Variants in HABP2 observed in about 807,000 individuals in gnomAD.
The protein encoded by HABP2 is hyaluronan binding protein 2.
A neutral mutation model predicts 66.5 loss-of-function variants in HABP2; 65 were observed. That is an observed-to-expected ratio of 0.98 (90% CI 0.80 to 1.20). HABP2 has a LOEUF of 1.20. HABP2 is among the 50% of genes most tolerant of loss of function. HABP2 has a pLI of 0.00. For synonymous variants in HABP2, 263 were observed against 253.9 expected (o/e 1.04, Z -0.34); for missense variants, 786 against 691.0 (o/e 1.14, Z -1.54).
intron 1 of HABP2, among the ~76,000 whole-genome samples, chr10:113,561,008 A>G (rs574959008): frequency 3.3e-5 from 5 of 152,254 alleles, no homozygotes; most frequent in Non-Finnish European, 5.9e-5. Flanking sequence ...CAAATGGTCA[A>G]AACGATAAAT....
chr10:113,570,090 T>G (rs1845277905), intron 2 of HABP2: 1 of 152,230 alleles, frequency 6.6e-6, no homozygotes. Flanking sequence ...ACCCAAGGAC[T>G]TTCATGAAAC....
Position 113,584,429 on chromosome 10 carries a change from C to A in HABP2, c.1372+147C>A, listed in dbSNP as rs553809874. ...GAAAGCATCCACCTCATTGATCAAG[C>A]TCTGGTTAAATTCCTCCACCTGCAG... On this transcript the variant is annotated intron_variant, in intron 11 of 12. Coordinates refer to ENST00000351270, the MANE Select transcript of HABP2 (RefSeq NM_004132.5). The A allele has an allele frequency of 1.6e-5, 11 of 700,234 alleles. No individual in the cohort carries two copies. The African/African-American group carries it at 1.9e-4, about 12-fold the overall frequency. The allele number at this position is 700,234 out of a possible 1,614,324, so 43.4% of individuals were successfully genotyped here.
At chr10:113,577,810 C>T (rs952891605) in intron 5 of HABP2, among the ~76,000 whole-genome samples, 13 of 152,200 alleles carry the variant, frequency 8.5e-5, no homozygotes, top group Admixed American at 6.5e-4. Flanking sequence ...TTAGGCATGG[C>T]CTCCAGCCAG....
rs371790293 is a variant in HABP2, at chr10:113,584,214, G to A, written c.1304G>A (p.Cys435Tyr). ...ALESKYVKTVCLPDGSFPSGS... is the reference protein window; with the variant it reads ...ALESKYVKTVYLPDGSFPSGS... ...GAATCCAAATACGTGAAGACTGTGTGCTTGCCTGATGGGTCCTTTCCCTCT... is the reference window on the plus strand; with the variant it reads ...GAATCCAAATACGTGAAGACTGTGTACTTGCCTGATGGGTCCTTTCCCTCT... The change falls in exon 11 of 13, where the codon TGC (cysteine) becomes TAC (tyrosine). Residue 435 changes from cysteine to tyrosine, a missense_variant. Cys to Tyr is a radical substitution (Grantham distance 194). Coordinates refer to ENST00000351270, the MANE Select transcript of HABP2 (RefSeq NM_004132.5). 4 of 1,613,580 alleles carry A rather than the reference G, an allele frequency of 2.5e-6. No individual in the cohort carries two copies. In the South Asian group the frequency reaches 3.3e-5, roughly 13 times the overall value.
intron 2 of HABP2, among the ~76,000 whole-genome samples, chr10:113,571,112 T>C (rs1441497515): frequency 6.6e-6 from 1 of 152,232 alleles, no homozygotes; most frequent in East Asian, 1.9e-4. Flanking sequence ...CCAAACTTAG[T>C]AGCTTAAACC....
Position 113,585,868 on chromosome 10 carries a change from A to G in HABP2, c.1448A>G (p.Tyr483Cys). Residue 483 changes from tyrosine to cysteine, a missense_variant, in exon 12 of 13, where the codon TAT becomes TGT. Tyr to Cys is a radical substitution (Grantham distance 194). Coordinates refer to ENST00000351270, the MANE Select transcript of HABP2 (RefSeq NM_004132.5). ...ANTLCNSRQL[Y>C]DHMIDDSMIC... ...ACTTTGTGCAACTCCCGCCAACTCT[A>G]TGACCACATGATTGATGACAGTATG... 6.2e-7 allele frequency: 1 copy of G among 1,613,678 alleles called. No individual in the cohort carries two copies.
In HABP2 at chr10:113,585,910, T is replaced by C; in HGVS notation, c.1490T>C (p.Leu497Pro). The C allele has an allele frequency of 6.2e-7, 1 of 1,614,092 alleles. No individual in the cohort carries two copies. Among genetic ancestry groups the C allele is most frequent in the Non-Finnish European group, 8.5e-7 (1 of 1,179,922 alleles). ...GACAGTATGATCTGTGCAGGAAATC[T>C]TCAGAAACCTGGGCAAGACACCTGC... ...IDDSMICAGN[L>P]QKPGQDTCQG... is the part of the protein sequence containing the mutation. The change falls in exon 12 of 13, where the codon CTT becomes CCT. Residue 497 changes from leucine (L) to proline (P), a missense_variant. Leu to Pro is a moderately conservative substitution (Grantham distance 98). Transcript: ENST00000351270.
In HABP2 at chr10:113,582,066, G is replaced by A. The variant is rs747653040; in HGVS notation, c.1029G>A (p.Gln343=). 35 of 1,613,026 alleles carry A rather than the reference G, an allele frequency of 2.2e-5. No individual in the cohort carries two copies. Among genetic ancestry groups the A allele is most frequent in the Non-Finnish European group, 8.5e-7 (1 of 1,179,888 alleles). The change falls in exon 9 of 13, where the codon CAG becomes CAA. Residue 343 remains glutamine, a synonymous_variant. Coordinates refer to ENST00000351270, the MANE Select transcript of HABP2 (RefSeq NM_004132.5). ...TGCCTCTGACCATCTCCATGCCCCA[G>A]GGCCACTTCTGTGGTGGGGCGCTGA... ...SSLPLTISMP[Q]GHFCGGALIH...
At chr10:113,576,124 C>A in intron 4 of HABP2, 120 bp downstream of exon 4, 1 of 671,960 alleles carries the variant, frequency 1.5e-6, no homozygotes, top group Non-Finnish European at 2.7e-6. Flanking sequence ...CTGTATCATG[C>A]ATAGTGTATT....
intron 10 of HABP2, 115 bp downstream of exon 10, chr10:113,583,473 G>T (rs747362897): frequency 1.1e-4 from 94 of 869,280 alleles, no homozygotes; most frequent in Non-Finnish European, 1.6e-4. Context: ...GGTCCCTGTG[G>T]ACCCTGTGCG....
At chr10:113,566,662 G>A (rs774535985) in intron 1 of HABP2, among the ~76,000 whole-genome samples, 1 of 152,208 alleles carries the variant, frequency 6.6e-6, no homozygotes, top group Admixed American at 6.5e-5. Context: ...ATTATGGAGG[G>A]AATAAGCGGG....
intron 7 of HABP2, 78 bp from the exon 8 acceptor site, chr10:113,580,517 T>TGTG: frequency 1.3e-6 from 1 of 799,316 alleles, no homozygotes; most frequent in East Asian, 2.4e-5. Flanking sequence ...TCTAGCACCT[T>TGTG]CTTATCCAAA....
intron 11 of HABP2, among the ~76,000 whole-genome samples, chr10:113,585,022 TTAA>T (rs1479100087): frequency 3.3e-5 from 5 of 152,266 alleles, no homozygotes; most frequent in Non-Finnish European, 7.3e-5. Context: ...AATCCTGTCC[TTAA>T]TAATGAATAG....
rs765775244 is a variant in HABP2 at position 113,578,111 on chromosome 10, T to A, written c.534T>A (p.Cys178Ter). ...GGAGATCCAAGTTCACCTGTGCCTG[T>A]CCCGACCAGTTCAAGGGGAAATTCT... ...HKRRSKFTCA[C>*]PDQFKGKFCE... The change falls in exon 6 of 13, where the codon TGT becomes TGA. Residue 178 changes from cysteine (C) to a stop codon, truncating the protein, a stop_gained. Coordinates refer to ENST00000351270, the MANE Select transcript of HABP2 (RefSeq NM_004132.5). LOFTEE classifies it high-confidence loss of function. 1.8e-5 allele frequency: 29 copies of A among 1,614,150 alleles called. No homozygotes were observed. The highest frequency in any genetic ancestry group is 2.3e-5 in the Non-Finnish European group (27 of 1,180,008).
chr10:113,588,735 T>C lies in HABP2; in HGVS notation c.*366T>C. 1.8e-6 allele frequency: 1 copy of C among 557,758 alleles called. No individual in the cohort carries two copies. Among genetic ancestry groups the C allele is most frequent in the Non-Finnish European group, 3.2e-6 (1 of 316,518 alleles). The allele number at this position is 557,758 out of a possible 1,614,324, so 34.6% of individuals were successfully genotyped here. A position where few individuals can be genotyped will look rare whatever the true frequency, so the allele number is the denominator to read the frequency against. On this transcript the variant is annotated 3_prime_UTR_variant, in exon 13 of 13. Transcript: ENST00000351270. ...AGCATCAGCGGGAACCACCATCACA[T>C]CTTTATTCCTCAGCCCAGACACTCG...
rs1592686703 is a variant in HABP2 at position 113,565,640 on chromosome 10, T to A, written c.70-1849T>A. On this transcript the variant is annotated intron_variant, in intron 1 of 12. Transcript: ENST00000351270. Reference sequence around the variant, plus strand: ...GAGGCCCCACCTCCAACATTGGGGATCAAATTTCAGCACGAGGTTTGGAGA... The same window carrying A: ...GAGGCCCCACCTCCAACATTGGGGAACAAATTTCAGCACGAGGTTTGGAGA... Among the ~76,000 whole-genome samples, 4 of 152,328 alleles carry A rather than the reference T, an allele frequency of 2.6e-5. No individual in the cohort carries two copies. The South Asian group carries it at 8.3e-4, about 32-fold the overall frequency.
intron 5 of HABP2, 122 bp downstream of exon 5, chr10:113,577,388 T>C (rs568446850): frequency 6.0e-5 from 41 of 683,242 alleles, no homozygotes; most frequent in Non-Finnish European, 1.0e-4. Context: ...ATGGTCCTTT[T>C]CCCTAGGCTT....
At chr10:113,567,293 C>T (rs1379113256) in intron 1 of HABP2, among the ~76,000 whole-genome samples, 196 bp from the exon 2 acceptor site, 1 of 152,172 alleles carries the variant, frequency 6.6e-6, no homozygotes, top group Non-Finnish European at 1.5e-5. Context: ...TCAGCGCGCA[C>T]AGGTGGTGGT....
intron 4 of HABP2, 63 bp from the exon 5 acceptor site, chr10:113,577,087 T>C (rs1845425024): frequency 1.1e-6 from 1 of 898,936 alleles, no homozygotes; most frequent in Non-Finnish European, 1.9e-6. Flanking sequence ...CATTGTTTTA[T>C]ACATGTATCC....
Sources: gnomAD v4.1 joint callset for allele counts (sites outside exome capture counted in the v4.1 genomes callset) on GRCh38, gnomAD v4.1.1 for gene constraint, MANE v1.5 for transcripts, NCBI Gene and HGNC (gene_info 2026-07-23, HGNC 2026-07-21) for gene names.